PRDM6: variants seen among roughly 807,000 people sequenced by gnomAD.
PRDM6 encodes the protein putative histone-lysine N-methyltransferase PRDM6.
In PRDM6, 25 loss-of-function variants were observed where a neutral mutation model predicts 60.8. The ratio of observed to expected loss-of-function variants is 0.41; its 90% confidence interval spans 0.30 to 0.57. PRDM6 has a LOEUF of 0.57. Among genes scored for constraint, PRDM6 ranks in the 20% least tolerant of loss-of-function variants. PRDM6 has a pLI of 0.27. For synonymous variants in PRDM6, 407 were observed against 357.4 expected (o/e 1.14, Z -1.57); for missense variants, 839 against 821.3 (o/e 1.02, Z -0.26).
At chr5:123,147,172 TTTAA>T (rs1422012609) in intron 3 of PRDM6, among the ~76,000 whole-genome samples, 10 of 152,190 alleles carry the variant, frequency 6.6e-5, no homozygotes, top group Non-Finnish European at 1.3e-4. Context: ...TGTTGACTGC[TTTAA>T]TTAAAGATAG....
At chr5:123,165,817 C>T (rs555932837) in intron 5 of PRDM6, among the ~76,000 whole-genome samples, 30 of 152,216 alleles carry the variant, frequency 2.0e-4, no homozygotes, top group South Asian at 1.7e-3. Context: ...CTTTATTTAC[C>T]GATACAGAGT....
At chr5:123,140,576 A>G (rs17226686) in intron 3 of PRDM6, among the ~76,000 whole-genome samples, 47,570 of 152,028 alleles carry the variant, frequency 0.31, 7,866 homozygotes, top group Middle Eastern at 0.37. Flanking sequence ...TATACCATTT[A>G]GATGTTGACA....
At chr5:123,106,178 A>T (rs1215888171) in intron 3 of PRDM6, among the ~76,000 whole-genome samples, 1 of 152,236 alleles carries the variant, frequency 6.6e-6, no homozygotes, top group Non-Finnish European at 1.5e-5. Context: ...CTGACAGCAC[A>T]CTATTGGCTG....
intron 5 of PRDM6, among the ~76,000 whole-genome samples, chr5:123,162,086 C>A (rs1765645688): frequency 6.6e-6 from 1 of 152,120 alleles, no homozygotes; most frequent in Non-Finnish European, 1.5e-5. Flanking sequence ...AGGCCTTTGG[C>A]CTGAGGAGCT....
At chr5:123,161,156 C>A (rs1765622048) in intron 5 of PRDM6, among the ~76,000 whole-genome samples, 2 of 152,222 alleles carry the variant, frequency 1.3e-5, no homozygotes, top group Admixed American at 1.3e-4. Flanking sequence ...CAACCTGCTA[C>A]AGACTCTGAA....
At chr5:123,143,784 G>T (rs1312021867) in intron 3 of PRDM6, among the ~76,000 whole-genome samples, 1 of 152,046 alleles carries the variant, frequency 6.6e-6, no homozygotes, top group African/African-American at 2.4e-5. Flanking sequence ...TGCCAAAATA[G>T]GGTTACAAAA....
At chr5:123,176,255 A>G (rs1438336022) in intron 6 of PRDM6, among the ~76,000 whole-genome samples, 2 of 150,750 alleles carry the variant, frequency 1.3e-5, no homozygotes, top group Non-Finnish European at 1.5e-5. Flanking sequence ...CAACACTACT[A>G]AAGATCTCAA....
chr5:123,095,300 T>C (rs1228459785), intron 2 of PRDM6, among the ~76,000 whole-genome samples: 1 of 152,204 alleles, frequency 6.6e-6, no homozygotes, highest in Admixed American at 6.5e-5. Context: ...GGGTGGGACC[T>C]TCAAAACTCA....
At chr5:123,175,183 G>A (rs1765977451) in intron 6 of PRDM6, among the ~76,000 whole-genome samples, 1 of 152,188 alleles carries the variant, frequency 6.6e-6, no homozygotes, top group African/African-American at 2.4e-5. Flanking sequence ...ATTGTTTTCT[G>A]ACAAGTATGT....
At chr5:123,134,354 T>A (rs1419538571) in intron 3 of PRDM6, among the ~76,000 whole-genome samples, 12 of 152,128 alleles carry the variant, frequency 7.9e-5, no homozygotes, top group African/African-American at 2.9e-4. Flanking sequence ...TCAGTATAGA[T>A]CTTTATTTTA....
intron 2 of PRDM6, among the ~76,000 whole-genome samples, chr5:123,098,853 C>T (rs1764025540): frequency 6.7e-6 from 1 of 148,716 alleles, no homozygotes; most frequent in South Asian, 2.2e-4. Flanking sequence ...TGTCCCCGCC[C>T]TGCTTCAGTG....
At chr5:123,168,707 T>C (rs1366297143) in intron 5 of PRDM6, among the ~76,000 whole-genome samples, 1 of 152,236 alleles carries the variant, frequency 6.6e-6, no homozygotes, top group African/African-American at 2.4e-5. Context: ...AACGCTAGGC[T>C]CTTTCTAGGT....
At position 123,176,291 on chromosome 5, in the gene PRDM6, A is replaced by AAC. The variant is rs1766008274; in HGVS notation, c.1497-3855_1497-3854insCA. 2.6e-5 allele frequency among the ~76,000 whole-genome samples: 4 copies of AAC among 151,666 alleles called. No individual in the cohort carries two copies. The South Asian group carries it at 8.5e-4, about 32-fold the overall frequency. ...ATGGTAAAAAAAAAAAAACAAAAAA[A>AAC]AAACCATAAGTTACTTGTGGTTGTG... On this transcript the variant is annotated intron_variant, in intron 6 of 7. Coordinates refer to ENST00000407847, the MANE Select transcript of PRDM6 (RefSeq NM_001136239.4).
At chr5:123,137,645 G>T (rs577628591) in intron 3 of PRDM6, among the ~76,000 whole-genome samples, 3 of 152,100 alleles carry the variant, frequency 2.0e-5, no homozygotes, top group South Asian at 4.2e-4. Flanking sequence ...GTCAGGGGGT[G>T]GGGGGCTAAG....
At chr5:123,111,206 A>G (rs1408420509) in intron 3 of PRDM6, among the ~76,000 whole-genome samples, 1 of 152,180 alleles carries the variant, frequency 6.6e-6, no homozygotes, top group Non-Finnish European at 1.5e-5. Context: ...AGGTATATTT[A>G]TTTTGCCATA....
At chr5:123,152,255 A>G (rs1156630564) in intron 3 of PRDM6, among the ~76,000 whole-genome samples, 1 of 152,158 alleles carries the variant, frequency 6.6e-6, no homozygotes, top group East Asian at 1.9e-4. Context: ...CCAAGCAGGT[A>G]AGTAAATTAG....
At chr5:123,122,771 C>A (rs1335583900) in intron 3 of PRDM6, among the ~76,000 whole-genome samples, 4 of 151,630 alleles carry the variant, frequency 2.6e-5, no homozygotes, top group African/African-American at 9.7e-5. Context: ...TAGTTTTTTT[C>A]TTGTGGCAAT....
rs1765033758 is a variant in PRDM6 at position 123,138,922 on chromosome 5, G to A, written c.901-16962G>A. 2.0e-5 allele frequency among the ~76,000 whole-genome samples: 3 copies of A among 152,172 alleles called. No individual in the cohort carries two copies. In the South Asian group the frequency reaches 6.2e-4, roughly 32 times the overall value. On this transcript the variant is annotated intron_variant, in intron 3 of 7. Transcript: ENST00000407847. ...CCTCGCCCAAATCTCATCTTGAACT[G>A]TAATCCTCACGTGTCGAGGGAGTGA...
At position 123,165,081 on chromosome 5, in the gene PRDM6, T is replaced by C. The variant is rs142314862; in HGVS notation, c.1153+5443T>C. On this transcript the variant is annotated intron_variant, in intron 5 of 7. Coordinates refer to ENST00000407847, the MANE Select transcript of PRDM6 (RefSeq NM_001136239.4). ...CTGAGAGCAATCCCCAAACCCCAAATCCCCATTTCAGAATCTGTTTCCTGG... is the reference window on the plus strand; with the variant it reads ...CTGAGAGCAATCCCCAAACCCCAAACCCCCATTTCAGAATCTGTTTCCTGG... Among the ~76,000 whole-genome samples the C allele has an allele frequency of 9.9e-5, 15 of 152,052 alleles. No homozygotes were observed. The East Asian group carries it at 2.9e-3, about 29-fold the overall frequency.
Sources: allele counts gnomAD v4.1 joint callset (sites outside exome capture counted in the v4.1 genomes callset), GRCh38; gene constraint gnomAD v4.1.1; transcripts MANE v1.5; gene names NCBI Gene and HGNC (gene_info 2026-07-23, HGNC 2026-07-21).